The following ASF1B variants were observed in gnomAD, a reference collection of about 807,000 sequenced individuals.
The protein encoded by ASF1B is histone chaperone ASF1B.
ASF1B carries 10 observed loss-of-function variants against 16.6 expected under a neutral mutation model. The ratio of observed to expected loss-of-function variants is 0.60; its 90% CI spans 0.37 to 1.02. ASF1B has a LOEUF of 1.02. Among genes scored for constraint, ASF1B ranks in the 50% least tolerant of loss-of-function variants. The pLI is 0.01. For synonymous variants in ASF1B, 101 were observed against 106.2 expected, an observed-to-expected ratio of 0.95 and a Z score of 0.30; for missense variants, 240 against 266.0, an observed-to-expected ratio of 0.90 and a Z score of 0.68.
intron 1 of ASF1B, among the ~76,000 whole-genome samples, chr19:14,127,785 C>T (rs949698769): frequency 1.3e-5 from 2 of 151,990 alleles, no homozygotes; most frequent in Non-Finnish European, 2.9e-5. Flanking sequence ...TATAGGCGCC[C>T]GCCACCACAG....
In ASF1B at chr19:14,121,601, G is replaced by A. The variant is rs375490640; in HGVS notation, c.333C>T (p.Tyr111=). ...GGTTGAGGTACTCGTTGTTGACGTA[G>A]TAGCCCACTCGGATGAACTCCTGTC... ...YHGQEFIRVG[Y]YVNNEYLNPE... Residue 111 remains tyrosine (Y), a synonymous_variant, in exon 3 of 4, where the codon TAC becomes TAT. Coordinates refer to ENST00000263382, the MANE Select transcript of ASF1B (RefSeq NM_018154.3). 1.4e-5 allele frequency: 23 copies of A among 1,613,888 alleles called. No individual in the cohort carries two copies. Among genetic ancestry groups the A allele is most frequent in the Non-Finnish European group, 1.9e-5 (23 of 1,180,028 alleles).
intron 1 of ASF1B, among the ~76,000 whole-genome samples, chr19:14,135,627 T>G (rs1967480339): frequency 6.6e-6 from 1 of 150,676 alleles, no homozygotes; most frequent in African/African-American, 2.5e-5. Context: ...TTGAGAGAGG[T>G]CCTGAAAAGG....
intron 2 of ASF1B, among the ~76,000 whole-genome samples, chr19:14,125,385 T>G (rs529635875): frequency 5.3e-4 from 81 of 152,380 alleles, no homozygotes; most frequent in Non-Finnish European, 8.1e-4. Context: ...TATTCACTAA[T>G]TCAGTGTTCG....
chr19:14,133,302 A>C (rs1599360557), intron 1 of ASF1B, among the ~76,000 whole-genome samples: 1 of 152,292 alleles, frequency 6.6e-6, no homozygotes, highest in East Asian at 1.9e-4. Flanking sequence ...ATTTAGATTC[A>C]AAACTTCAGT....
chr19:14,124,631 GGAGTTACCTACCATGCCTGTTCCCACCTA>G (rs1300261230), intron 2 of ASF1B, among the ~76,000 whole-genome samples: 4 of 152,112 alleles, frequency 2.6e-5, no homozygotes, highest in Admixed American at 6.5e-5. Context: ...GGGAAAAACT[GGAGTTACCTACCATGCCTGTTCCCACCTA>G]GAGTTACCTA....
chr19:14,136,518 G>A lies in ASF1B; in HGVS notation c.-62C>T, dbSNP rs1297268592. 5.5e-6 allele frequency: 8 copies of A among 1,459,836 alleles called. No homozygotes were observed. The highest frequency in any genetic ancestry group is 1.4e-5 in the African/African-American group (1 of 71,898). 90.4% of individuals were successfully genotyped at this position (1,459,836 alleles called of 1,614,324 possible). ...TGTGGCTGTGGCGGAGGCCGCGCCT[G>A]GGTCCGGTGGGGTCAGTGGGGTAGG... On this transcript the variant is annotated 5_prime_UTR_variant, in exon 1 of 4. Coordinates refer to ENST00000263382, the MANE Select transcript of ASF1B (RefSeq NM_018154.3).
intron 1 of ASF1B, among the ~76,000 whole-genome samples, chr19:14,131,076 C>G (rs1009050428): frequency 6.6e-6 from 1 of 151,970 alleles, no homozygotes; most frequent in East Asian, 1.9e-4. Flanking sequence ...CAGGGTTTCA[C>G]CACATTGGCC....
chr19:14,126,140 T>C lies in ASF1B; in HGVS notation c.207A>G (p.Arg69=). 1 of 1,601,954 alleles carries C rather than the reference T, an allele frequency of 6.2e-7. No individual in the cohort carries two copies. Among genetic ancestry groups the C allele is most frequent in the East Asian group, 2.2e-5 (1 of 44,748 alleles). The change falls in exon 2 of 4, where the codon AGA becomes AGG. Residue 69 remains arginine, a synonymous_variant. Coordinates refer to ENST00000263382, the MANE Select transcript of ASF1B (RefSeq NM_018154.3). The part of the protein sequence containing the change: ...SVLVGPVPAG[R]HMFVFQADAP... Reference sequence around the variant, plus strand: ...TTCTTACCTGAAAGACAAACATGTGTCTCCCTGCTGGCACAGGGCCCACCA... The same window carrying C: ...TTCTTACCTGAAAGACAAACATGTGCCTCCCTGCTGGCACAGGGCCCACCA...
chr19:14,133,797 A>ATTTTTTTTTTTTTTT (rs34122923), intron 1 of ASF1B, among the ~76,000 whole-genome samples: 1 of 98,858 alleles, frequency 1.0e-5, no homozygotes, highest in Non-Finnish European at 1.9e-5. Flanking sequence ...CCGCACAACC[A>ATTTTTTTTTTTTTTT]TTTTTTTTTT....
At chr19:14,123,458 C>T (rs765698202) in intron 2 of ASF1B, among the ~76,000 whole-genome samples, 7 of 143,484 alleles carry the variant, frequency 4.9e-5, no homozygotes, top group Non-Finnish European at 9.0e-5. Flanking sequence ...CGGCTCACTG[C>T]AAGCTCCGCC....
intron 1 of ASF1B, among the ~76,000 whole-genome samples, chr19:14,128,511 G>A (rs934320729): frequency 1.6e-4 from 25 of 152,170 alleles, no homozygotes; most frequent in African/African-American, 6.0e-4. Flanking sequence ...GTCTCGGTCC[G>A]TCACCCAGGC....
chr19:14,130,282 C>T (rs751294224), intron 1 of ASF1B, among the ~76,000 whole-genome samples: 1 of 151,736 alleles, frequency 6.6e-6, no homozygotes, highest in Non-Finnish European at 1.5e-5. Flanking sequence ...AAGATGGTCT[C>T]GATCTCCTGA....
intron 3 of ASF1B, 39 bp downstream of exon 3, chr19:14,121,493 A>C: frequency 6.3e-7 from 1 of 1,596,630 alleles, no homozygotes; most frequent in Non-Finnish European, 8.6e-7. Context: ...AGTATAAAGA[A>C]CGGCCTTGTG....
chr19:14,127,669 T>G (rs1486009986), intron 1 of ASF1B, among the ~76,000 whole-genome samples: 1 of 151,830 alleles, frequency 6.6e-6, no homozygotes, highest in African/African-American at 2.4e-5. Context: ...ACAGTTTCAC[T>G]CTTGTTGTCC....
intron 1 of ASF1B, among the ~76,000 whole-genome samples, chr19:14,134,762 G>A (rs184564364): frequency 5.3e-5 from 8 of 152,118 alleles, no homozygotes; most frequent in South Asian, 2.1e-4. Flanking sequence ...GTACATCTAC[G>A]GAAGCACCTT....
intron 1 of ASF1B, among the ~76,000 whole-genome samples, chr19:14,128,683 A>T (rs1967353844): frequency 2.6e-5 from 4 of 152,286 alleles, no homozygotes. Flanking sequence ...TTGGTTGCCC[A>T]GCCTGGTCTC....
chr19:14,120,740 A>G (rs1261380500), intron 3 of ASF1B, 75 bp from the exon 4 acceptor site: 6 of 1,431,302 alleles, frequency 4.2e-6, no homozygotes, highest in East Asian at 2.4e-5. Context: ...GACACCCCCA[A>G]TCACCCATCT....
At chr19:14,127,819 G>A (rs1324736634) in intron 1 of ASF1B, among the ~76,000 whole-genome samples, 3 of 152,124 alleles carry the variant, frequency 2.0e-5, no homozygotes, top group South Asian at 2.1e-4. Context: ...TGTATTTTTA[G>A]TAGAGATGGG....
At chr19:14,125,366 A>G (rs1967302340) in intron 2 of ASF1B, among the ~76,000 whole-genome samples, 1 of 152,024 alleles carries the variant, frequency 6.6e-6, no homozygotes. Context: ...CCCTGGGGCA[A>G]TGGTTCAGTA....
Sources: gnomAD v4.1 joint callset for allele counts (sites outside exome capture counted in the v4.1 genomes callset) on GRCh38, gnomAD v4.1.1 for gene constraint, MANE v1.5 for transcripts, NCBI Gene and HGNC (gene_info 2026-07-23, HGNC 2026-07-21) for gene names.